The following FAM234B variants were observed in gnomAD, a reference collection of about 807,000 sequenced individuals.
FAM234B encodes family with sequence similarity 234 member B.
In FAM234B, 33 loss-of-function variants were observed where a neutral mutation model predicts 69.3. That is an observed-to-expected ratio of 0.48 (90% CI 0.36 to 0.64). The LOEUF is 0.64. Among genes scored for constraint, FAM234B ranks in the 30% least tolerant of loss-of-function variants. The pLI is 0.00. For synonymous variants in FAM234B, 306 were observed against 306.9 expected (o/e 1.00, Z 0.03); for missense variants, 697 against 769.7 (o/e 0.91, Z 1.12).
chr12:13,061,703 GA>G lies in FAM234B; in HGVS notation c.664del (p.Thr222ProfsTer5), dbSNP rs781099482. The G allele has an allele frequency of 1.9e-6, 3 of 1,614,140 alleles. No homozygotes were observed. Among genetic ancestry groups the G allele is most frequent in the Non-Finnish European group, 2.5e-6 (3 of 1,180,016 alleles). ...GGAGCTGATGCCAGGAAGCTTGGCT[GA>G]AACCATCTGCCTTGTGACAGGGACA... ...CLELMPGSLA[E>X]TICLVTGTHK... On this transcript the variant is annotated frameshift_variant, in exon 4 of 13. Coordinates refer to ENST00000197268, the MANE Select transcript of FAM234B (RefSeq NM_020853.2). LOFTEE classifies it high-confidence loss of function.
chr12:13,064,046 C>G (rs1865011971), intron 5 of FAM234B, among the ~76,000 whole-genome samples: 1 of 152,116 alleles, frequency 6.6e-6, no homozygotes, highest in South Asian at 2.1e-4. Context: ...CCAAGAGTCC[C>G]CCAAACTTAA....
chr12:13,059,420 T>G (rs539230836), intron 3 of FAM234B, among the ~76,000 whole-genome samples: 127 of 152,334 alleles, frequency 8.3e-4, no homozygotes, highest in Middle Eastern at 3.4e-3. Context: ...CAACTTACCC[T>G]CATTTAGGGT....
intron 11 of FAM234B, among the ~76,000 whole-genome samples, chr12:13,078,499 C>T (rs1160792662): frequency 6.6e-6 from 1 of 152,216 alleles, no homozygotes; most frequent in Non-Finnish European, 1.5e-5. Flanking sequence ...TGCCCTCTCT[C>T]ACCACTCCTA....
intron 4 of FAM234B, chr12:13,062,612 A>C: frequency 2.5e-6 from 1 of 396,946 alleles, no homozygotes; most frequent in Non-Finnish European, 4.5e-6. Flanking sequence ...TATCTAAAAA[A>C]ATCTAGGTGA....
chr12:13,046,241 A>C (rs1486815698), intron 1 of FAM234B, among the ~76,000 whole-genome samples: 1 of 151,984 alleles, frequency 6.6e-6, no homozygotes, highest in Non-Finnish European at 1.5e-5. Context: ...TGGATGGGAG[A>C]AAATGTTCAC....
At chr12:13,069,726 G>T (rs549141121) in intron 9 of FAM234B, among the ~76,000 whole-genome samples, 1 of 152,332 alleles carries the variant, frequency 6.6e-6, no homozygotes, top group East Asian at 1.9e-4. Context: ...ACTCCCATCA[G>T]AGAGATGAGA....
In FAM234B at chr12:13,076,014, GC is replaced by G. The variant is rs761326540; in HGVS notation, c.1525-11del. The G allele has an allele frequency of 6.3e-7, 1 of 1,596,616 alleles. No homozygotes were observed. Among genetic ancestry groups the G allele is most frequent in the Non-Finnish European group, 8.6e-7 (1 of 1,164,324 alleles). On this transcript the variant is annotated splice_polypyrimidine_tract_variant and intron_variant, in intron 10 of 12. Transcript: ENST00000197268. ...GTTACCTTTGCTCTTCCTTTTTGCT[GC>G]TTATTATCAGGATATCATCCTAGGA...
At chr12:13,058,016 G>A (rs780695979) in intron 2 of FAM234B, among the ~76,000 whole-genome samples, 37 of 152,222 alleles carry the variant, frequency 2.4e-4, no homozygotes, top group Non-Finnish European at 4.3e-4. Flanking sequence ...GAGTAGAGCA[G>A]TTATTATCTA....
chr12:13,066,485 A>G (rs1865037498), intron 5 of FAM234B, among the ~76,000 whole-genome samples, 155 bp from the exon 6 acceptor site: 2 of 152,210 alleles, frequency 1.3e-5, no homozygotes, highest in African/African-American at 4.8e-5. Flanking sequence ...CTTGCAGGGA[A>G]ATAAAGCGAA....
At chr12:13,075,707 C>T (rs1184653952) in intron 10 of FAM234B, among the ~76,000 whole-genome samples, 1 of 150,928 alleles carries the variant, frequency 6.6e-6, no homozygotes, top group Non-Finnish European at 1.5e-5. Flanking sequence ...CTGCCCACCT[C>T]GGCCTCCTAA....
chr12:13,072,558 C>T (rs777568557), intron 10 of FAM234B, among the ~76,000 whole-genome samples: 11 of 152,068 alleles, frequency 7.2e-5, no homozygotes, highest in East Asian at 3.9e-4. Context: ...AGTGAAACCT[C>T]GTCTCTACTA....
intron 6 of FAM234B, 176 bp from the exon 7 acceptor site, chr12:13,066,979 G>T: frequency 1.1e-6 from 1 of 914,158 alleles, no homozygotes. Context: ...CTCCTCTGAA[G>T]GGAAGACTCT....
intron 1 of FAM234B, among the ~76,000 whole-genome samples, chr12:13,051,651 C>G (rs921420650): frequency 4.6e-5 from 7 of 152,146 alleles, no homozygotes; most frequent in Admixed American, 4.6e-4. Flanking sequence ...TATCTAGTTC[C>G]AAGAACCATA....
At chr12:13,050,816 G>A (rs550685594) in intron 1 of FAM234B, among the ~76,000 whole-genome samples, 71 of 152,298 alleles carry the variant, frequency 4.7e-4, no homozygotes, top group South Asian at 8.3e-4. Context: ...GCCTGGGACA[G>A]TAGGCACTCA....
intron 11 of FAM234B, among the ~76,000 whole-genome samples, chr12:13,078,812 C>G (rs992182953): frequency 5.9e-5 from 9 of 152,054 alleles, no homozygotes; most frequent in Non-Finnish European, 1.3e-4. Context: ...GAATAAAAGA[C>G]CTAGGAATCC....
intron 3 of FAM234B, among the ~76,000 whole-genome samples, chr12:13,059,821 A>G (rs1226667546): frequency 6.6e-6 from 1 of 152,166 alleles, no homozygotes; most frequent in Non-Finnish European, 1.5e-5. Context: ...CCTGCCCGTG[A>G]CTTCTGAAGT....
rs750459856 is a variant in FAM234B at position 13,066,654 on chromosome 12, T to C, written c.867T>C (p.Phe289=). ...TACTTCCTCAGCCAGATCTGTGCTT[T>C]CTGCTGGTGTCTGGCCGGACCGGAA... The part of the protein sequence containing the change: ...AIGELQPDLC[F]LLVSGRTGNP... The change falls in exon 6 of 13, where the codon TTT becomes TTC. Residue 289 remains phenylalanine, a synonymous_variant. Transcript: ENST00000197268. 1.9e-6 allele frequency: 3 copies of C among 1,613,160 alleles called. No homozygotes were observed. Among genetic ancestry groups the C allele is most frequent in the South Asian group, 2.2e-5 (2 of 90,900 alleles).
chr12:13,052,504 A>G (rs1486325), intron 1 of FAM234B, among the ~76,000 whole-genome samples: 35,989 of 152,078 alleles, frequency 0.24, 5,175 homozygotes, highest in East Asian at 0.53. Flanking sequence ...TATGTTAAGT[A>G]TACAGTTCAG....
intron 7 of FAM234B, 78 bp from the exon 8 acceptor site, chr12:13,068,226 G>A: frequency 6.7e-7 from 1 of 1,501,710 alleles, no homozygotes; most frequent in African/African-American, 1.4e-5. Flanking sequence ...TACGTATACT[G>A]AGAGAAAAAG....
Sources: allele counts gnomAD v4.1 joint callset (sites outside exome capture counted in the v4.1 genomes callset), GRCh38; gene constraint gnomAD v4.1.1; transcripts MANE v1.5; gene names NCBI Gene and HGNC (gene_info 2026-07-23, HGNC 2026-07-21).